LRRIQ3: variants seen among roughly 807,000 people sequenced by gnomAD.
The protein encoded by LRRIQ3 is leucine rich repeats and IQ motif containing 3.
A neutral mutation model predicts 59.3 loss-of-function variants in LRRIQ3; 75 were observed. The observed-to-expected ratio is 1.26, with a 90% CI of 1.05 to 1.53. LRRIQ3 has a LOEUF of 1.53. Among genes scored for constraint, LRRIQ3 ranks in the 40% most tolerant of loss-of-function variants. The probability of loss-of-function intolerance (pLI) is 0.00; values close to 1 mark genes in which losing one functional copy is unlikely to be tolerated. For synonymous variants in LRRIQ3, 250 were observed against 231.3 expected (o/e 1.08, Z -0.73); for missense variants, 831 against 710.0 (o/e 1.17, Z -1.94).
At chr1:74,115,650 T>G (rs1328024675) in intron 4 of LRRIQ3, among the ~76,000 whole-genome samples, 1 of 152,132 alleles carries the variant, frequency 6.6e-6, no homozygotes, top group African/African-American at 2.4e-5. Flanking sequence ...CAAGGTAACC[T>G]AGCCAGAAGA....
intron 6 of LRRIQ3, among the ~76,000 whole-genome samples, chr1:74,049,056 G>A (rs1252805309): frequency 1.3e-5 from 2 of 152,120 alleles, no homozygotes; most frequent in African/African-American, 4.8e-5. Context: ...AACCCTAGAT[G>A]AGAAAAGATA....
intron 4 of LRRIQ3, among the ~76,000 whole-genome samples, chr1:74,139,294 A>AGGAG (rs528635999): frequency 3.6e-5 from 5 of 140,448 alleles, no homozygotes; most frequent in African/African-American, 1.0e-4. Flanking sequence ...GAAGGAAGGA[A>AGGAG]GGAGGGAGGG....
At chr1:74,099,405 C>T (rs185438329) in intron 5 of LRRIQ3, among the ~76,000 whole-genome samples, 155 of 152,218 alleles carry the variant, frequency 1.0e-3, no homozygotes, top group African/African-American at 3.6e-3. Context: ...GAAATTGAGG[C>T]AATAATTAAT....
At chr1:74,061,996 T>C (rs376500800) in intron 6 of LRRIQ3, among the ~76,000 whole-genome samples, 1 of 152,122 alleles carries the variant, frequency 6.6e-6, no homozygotes, top group East Asian at 1.9e-4. Flanking sequence ...ATCATACCAC[T>C]GCACTCCAGC....
intron 3 of LRRIQ3, among the ~76,000 whole-genome samples, chr1:74,171,053 T>C (rs1649293191): frequency 1.3e-5 from 2 of 152,166 alleles, no homozygotes; most frequent in African/African-American, 2.4e-5. Context: ...AGTATTCTTG[T>C]AGCATGTTTT....
In LRRIQ3 at chr1:74,198,137, G is replaced by C. The variant is rs1651361300; in HGVS notation, c.-142C>G. ...CAACATCCAAGTTCTCCACATCATGGTTTTCCGGGCGCCAGCCAAGGCGCT... is the reference window on the plus strand; with the variant it reads ...CAACATCCAAGTTCTCCACATCATGCTTTTCCGGGCGCCAGCCAAGGCGCT... On this transcript the variant is annotated 5_prime_UTR_variant, in exon 1 of 8. Transcript: ENST00000354431. 2.0e-6 allele frequency: 3 copies of C among 1,476,802 alleles called. No individual in the cohort carries two copies. The highest frequency in any genetic ancestry group is 1.8e-6 in the Non-Finnish European group (2 of 1,115,360). The allele number at this position is 1,476,802 out of a possible 1,614,324, so 91.5% of individuals were successfully genotyped here. A position where few individuals can be genotyped will look rare whatever the true frequency, so the allele number is the denominator to read the frequency against.
intron 3 of LRRIQ3, among the ~76,000 whole-genome samples, chr1:74,166,537 T>C (rs1021075014): frequency 3.3e-5 from 5 of 151,784 alleles, no homozygotes; most frequent in African/African-American, 4.8e-5. Flanking sequence ...TTTTTCAGTT[T>C]CACTAATATT....
chr1:74,154,105 G>A (rs1386526987), intron 4 of LRRIQ3, among the ~76,000 whole-genome samples: 1 of 151,700 alleles, frequency 6.6e-6, no homozygotes, highest in Non-Finnish European at 1.5e-5. Flanking sequence ...GCCGGGCGTG[G>A]CGGCGGGTGC....
intron 6 of LRRIQ3, among the ~76,000 whole-genome samples, chr1:74,043,094 A>G (rs1184686636): frequency 6.6e-6 from 1 of 152,114 alleles, no homozygotes; most frequent in African/African-American, 2.4e-5. Context: ...CCTAATTAAT[A>G]CAATAAATTG....
chr1:74,059,096 G>A (rs1487443144), intron 6 of LRRIQ3, among the ~76,000 whole-genome samples: 1 of 65,802 alleles, frequency 1.5e-5, no homozygotes, highest in African/African-American at 3.4e-5. Flanking sequence ...CTGGATACAA[G>A]TCCATAGCAG....
intron 4 of LRRIQ3, among the ~76,000 whole-genome samples, chr1:74,119,400 T>C (rs1159876859): frequency 6.6e-6 from 1 of 152,112 alleles, no homozygotes; most frequent in Non-Finnish European, 1.5e-5. Flanking sequence ...CATTTTTCTT[T>C]GCTCGACTAC....
intron 3 of LRRIQ3, among the ~76,000 whole-genome samples, chr1:74,175,661 C>G (rs1349006559): frequency 6.6e-6 from 1 of 152,168 alleles, no homozygotes; most frequent in Non-Finnish European, 1.5e-5. Flanking sequence ...GGAATTCTCA[C>G]AAAGGCATTA....
At position 74,074,654 on chromosome 1, in the gene LRRIQ3, A is replaced by G; in HGVS notation, c.997+7T>C. 7.8e-7 allele frequency: 1 copy of G among 1,286,452 alleles called. No homozygotes were observed. Among genetic ancestry groups the G allele is most frequent in the Non-Finnish European group, 1.0e-6 (1 of 978,548 alleles). The allele number at this position is 1,286,452 out of a possible 1,614,324, so 79.7% of individuals were successfully genotyped here. ...ATTAAATATAATTAAAAATTCATAT[A>G]ACTAACCTTTTTGAATGAGATGTCT... On this transcript the variant is annotated splice_region_variant and intron_variant, in intron 6 of 7. Transcript: ENST00000354431.
At position 74,147,064 on chromosome 1, in the gene LRRIQ3, T is replaced by C. The variant is rs548366430; in HGVS notation, c.707+8669A>G. Reference sequence around the variant, plus strand: ...GCAACATTGCGAAACTCCATCTCTATAAAAAATACAAAAATGAGCCAGGCA... The same window carrying C: ...GCAACATTGCGAAACTCCATCTCTACAAAAAATACAAAAATGAGCCAGGCA... On this transcript the variant is annotated intron_variant, in intron 4 of 7. Transcript: ENST00000354431. Among the ~76,000 whole-genome samples the C allele has an allele frequency of 5.3e-5, 8 of 151,822 alleles. No homozygotes were observed. The East Asian group carries it at 1.4e-3, about 26-fold the overall frequency.
At chr1:74,177,856 AT>A (rs1199089716) in intron 3 of LRRIQ3, among the ~76,000 whole-genome samples, 2 of 151,912 alleles carry the variant, frequency 1.3e-5, no homozygotes, top group African/African-American at 4.8e-5. Flanking sequence ...CTATGTGCTT[AT>A]TTTTCCACAC....
chr1:74,188,285 G>A (rs1017139205), intron 1 of LRRIQ3, among the ~76,000 whole-genome samples: 3 of 152,130 alleles, frequency 2.0e-5, no homozygotes. Context: ...AGTGGGAGGA[G>A]GGAGAGGATT....
At chr1:74,102,983 A>G (rs982792) in intron 5 of LRRIQ3, among the ~76,000 whole-genome samples, 124,085 of 151,870 alleles carry the variant, frequency 0.82, 52,612 homozygotes, top group East Asian at 0.97. Flanking sequence ...CTTGGACCTT[A>G]AAGGCTGAAC....
chr1:74,183,453 C>G lies in LRRIQ3; in HGVS notation c.232G>C (p.Asp78His), dbSNP rs775245102. The part of the protein sequence containing the change: ...LQSCIKLIKL[D>H]LHGNQIKSLP... ...TTGCTTACCTGATTTCCATGGAGATCAAGTTTGATTAATTTTATACAACTT... is the reference window on the plus strand; with the variant it reads ...TTGCTTACCTGATTTCCATGGAGATGAAGTTTGATTAATTTTATACAACTT... The change falls in exon 2 of 8, where the codon GAT becomes CAT. Residue 78 changes from aspartate to histidine, a missense_variant. Physicochemically the swap from Asp to His is moderately conservative, Grantham distance 81 (BLOSUM62 -1). Transcript: ENST00000354431. The G allele has an allele frequency of 6.3e-7, 1 of 1,583,044 alleles. No homozygotes were observed. The highest frequency in any genetic ancestry group is 8.6e-7 in the Non-Finnish European group (1 of 1,165,166).
In LRRIQ3 at chr1:74,168,445, T is replaced by C. The variant is rs1029015979; in HGVS notation, c.574-12579A>G. ...TTTTTGTATGATACATATTTTTCCA[T>C]CATTTTATTTTCAATTTGCCTATAA... On this transcript the variant is annotated intron_variant, in intron 3 of 7. Transcript: ENST00000354431. Among the ~76,000 whole-genome samples, 10 of 152,222 alleles carry C rather than the reference T, an allele frequency of 6.6e-5. No homozygotes were observed. In the East Asian group the frequency reaches 1.3e-3, roughly 21 times the overall value.
Sources: allele counts gnomAD v4.1 joint callset (sites outside exome capture counted in the v4.1 genomes callset), GRCh38; gene constraint gnomAD v4.1.1; transcripts MANE v1.5; gene names NCBI Gene and HGNC (gene_info 2026-07-23, HGNC 2026-07-21).